TMEM175: variants seen among roughly 807,000 people sequenced by gnomAD.
TMEM175 encodes the protein transmembrane protein 175.
A neutral mutation model predicts 36.5 loss-of-function variants in TMEM175; 36 were observed. That is an observed-to-expected ratio of 0.99 (90% CI 0.76 to 1.30). The LOEUF is 1.30. Among genes scored for constraint, TMEM175 ranks in the 50% most tolerant of loss-of-function variants. The probability of loss-of-function intolerance (pLI) is 0.00; values close to 1 mark genes in which losing one functional copy is unlikely to be tolerated. For synonymous variants in TMEM175, 339 were observed against 313.4 expected (o/e 1.08, Z -0.86); for missense variants, 705 against 692.8 (o/e 1.02, Z -0.20).
chr4:943,499 G>T (rs1442896957), intron 1 of TMEM175, among the ~76,000 whole-genome samples: 2 of 152,140 alleles, frequency 1.3e-5, no homozygotes, highest in South Asian at 2.1e-4. Context: ...TGATCTGCCC[G>T]CCTCGGCCTC....
chr4:956,370 G>A (rs1343770865), intron 10 of TMEM175: 16 of 1,290,608 alleles, frequency 1.2e-5, no homozygotes, highest in African/African-American at 4.6e-5. Context: ...CTGCTCCTCC[G>A]CGGCCTCATC....
intron 1 of TMEM175, among the ~76,000 whole-genome samples, chr4:946,549 T>C (rs1728163953): frequency 6.6e-6 from 1 of 152,196 alleles, no homozygotes; most frequent in Admixed American, 6.5e-5. Flanking sequence ...CCCAGCACCA[T>C]GCAGCAATGG....
At chr4:936,545 C>A (rs1255478656) in intron 1 of TMEM175, among the ~76,000 whole-genome samples, 1 of 152,180 alleles carries the variant, frequency 6.6e-6, no homozygotes, top group Non-Finnish European at 1.5e-5. Context: ...GAAATGACAT[C>A]ACTACGGAAA....
chr4:939,203 A>C (rs1029862854), intron 1 of TMEM175, among the ~76,000 whole-genome samples: 1 of 152,238 alleles, frequency 6.6e-6, no homozygotes, highest in Non-Finnish European at 1.5e-5. Flanking sequence ...GATTTTTTAT[A>C]AAGGTGTAAA....
chr4:957,916 C>A lies in TMEM175; in HGVS notation c.935C>A (p.Ala312Glu), dbSNP rs762817717. The A allele has an allele frequency of 1.9e-6, 3 of 1,612,890 alleles. No homozygotes were observed. The highest frequency in any genetic ancestry group is 2.5e-6 in the Non-Finnish European group (3 of 1,179,978). Reference protein sequence around the residue: ...ALSATGPRFLAYFGSFATVGL... With the variant: ...ALSATGPRFLEYFGSFATVGL... The stretch of plus-strand genomic sequence containing the variant: ...AGTGCGACCGGGCCGCGCTTCCTGG[C>A]GTACTTCGGCTCCTTCGCCACAGTG... The change falls in exon 11 of 11, where the codon GCG (alanine) becomes GAG (glutamate). Residue 312 changes from alanine (A) to glutamate (E), a missense_variant. Coordinates refer to ENST00000264771, the MANE Select transcript of TMEM175 (RefSeq NM_032326.4).
intron 6 of TMEM175, 137 bp from the exon 7 acceptor site, chr4:952,230 T>A: frequency 1.4e-6 from 1 of 736,984 alleles, no homozygotes; most frequent in Non-Finnish European, 2.3e-6. Context: ...AGCACCCAGC[T>A]GGCGCCATCC....
At chr4:951,869 C>T (rs899454066) in intron 6 of TMEM175, 152 bp downstream of exon 6, 30 of 801,838 alleles carry the variant, frequency 3.7e-5, no homozygotes, top group South Asian at 3.3e-4. Flanking sequence ...AGCTGTTGGG[C>T]TGTTGGGGGC....
chr4:955,706 C>A (rs770695061), intron 9 of TMEM175, 49 bp from the exon 10 acceptor site: 1 of 1,596,686 alleles, frequency 6.3e-7, no homozygotes, highest in Admixed American at 1.7e-5. Context: ...GCGGGCTCTA[C>A]CTCCACATGG....
At chr4:952,971 C>T (rs1729138880) in intron 7 of TMEM175, among the ~76,000 whole-genome samples, 1 of 151,984 alleles carries the variant, frequency 6.6e-6, no homozygotes, top group Non-Finnish European at 1.5e-5. Flanking sequence ...CTCTCCACCT[C>T]AGCCCCTGTG....
At position 953,293 on chromosome 4, in the gene TMEM175, T is replaced by C; in HGVS notation, c.566T>C (p.Val189Ala). Residue 189 changes from valine (V) to alanine (A), a missense_variant, in exon 8 of 11, where the codon GTC becomes GCC. Coordinates refer to ENST00000264771, the MANE Select transcript of TMEM175 (RefSeq NM_032326.4). Reference sequence around the variant, plus strand: ...TACCGACGACACGTCCTGGGCATCGTCCTCCAAGGCCCGGCCCTGTGCTTT... The same window carrying C: ...TACCGACGACACGTCCTGGGCATCGCCCTCCAAGGCCCGGCCCTGTGCTTT... ...ALYRRHVLGI[V>A]LQGPALCFAA... 1 of 1,614,098 alleles carries C rather than the reference T, an allele frequency of 6.2e-7. No individual in the cohort carries two copies. Among genetic ancestry groups the C allele is most frequent in the Non-Finnish European group, 8.5e-7 (1 of 1,179,984 alleles).
chr4:938,818 A>G (rs747158814), intron 1 of TMEM175, among the ~76,000 whole-genome samples: 9 of 152,246 alleles, frequency 5.9e-5, no homozygotes, highest in Non-Finnish European at 1.0e-4. Context: ...GCAGTTCTCA[A>G]ATTCACCTGT....
At chr4:952,017 C>T (rs930804493) in intron 6 of TMEM175, 17 of 584,260 alleles carry the variant, frequency 2.9e-5, no homozygotes, top group East Asian at 8.5e-5. Context: ...CTACAGCCTC[C>T]GACCACCCGC....
chr4:945,343 TTC>T (rs1414631478), intron 1 of TMEM175, among the ~76,000 whole-genome samples: 2 of 152,084 alleles, frequency 1.3e-5, no homozygotes, highest in Non-Finnish European at 1.5e-5. Context: ...CTGCCTCAGC[TTC>T]TGTTTTCCCC....
At chr4:949,493 G>T (rs1728593096) in intron 3 of TMEM175, among the ~76,000 whole-genome samples, 1 of 152,158 alleles carries the variant, frequency 6.6e-6, no homozygotes, top group Non-Finnish European at 1.5e-5. Flanking sequence ...TGAGGAGAGG[G>T]GACTCCTGGG....
chr4:934,782 T>C (rs1726608418), intron 1 of TMEM175, among the ~76,000 whole-genome samples: 1 of 152,238 alleles, frequency 6.6e-6, no homozygotes, highest in Non-Finnish European at 1.5e-5. Flanking sequence ...TCTATCTTAA[T>C]GAGATATCTT....
At chr4:933,367 C>G (rs184713263) in intron 1 of TMEM175, among the ~76,000 whole-genome samples, 17 of 152,118 alleles carry the variant, frequency 1.1e-4, no homozygotes, top group Admixed American at 2.6e-4. Flanking sequence ...ATTAGCCGAG[C>G]GTGGTGGCGG....
At chr4:950,307 AG>A in intron 3 of TMEM175, 113 bp from the exon 4 acceptor site, 1 of 822,514 alleles carries the variant, frequency 1.2e-6, no homozygotes, top group Non-Finnish European at 2.1e-6. Flanking sequence ...GACCCACCCG[AG>A]GGTTTCGCCC....
intron 1 of TMEM175, among the ~76,000 whole-genome samples, chr4:945,730 A>C (rs914588267): frequency 6.6e-6 from 1 of 152,026 alleles, no homozygotes; most frequent in South Asian, 2.1e-4. Context: ...CCCCCTTTGG[A>C]GTAAAACCTG....
Position 954,611 on chromosome 4 carries a change from G to A in TMEM175, c.628-794G>A, listed in dbSNP as rs113297499. Among the ~76,000 whole-genome samples the A allele has an allele frequency of 3.2e-4, 48 of 152,326 alleles. 2 individuals are homozygous for A. The highest frequency in any genetic ancestry group is 9.9e-4 in the African/African-American group (41 of 41,568). On this transcript the variant is annotated intron_variant, in intron 8 of 10. Coordinates refer to ENST00000264771, the MANE Select transcript of TMEM175 (RefSeq NM_032326.4). ...TGCCTCTCTGAGCATTGCTGGACAC[G>A]TGTCTCTTCAGATCTGTCTTCTCAG...
Sources: allele counts gnomAD v4.1 joint callset (sites outside exome capture counted in the v4.1 genomes callset), GRCh38; gene constraint gnomAD v4.1.1; transcripts MANE v1.5; gene names NCBI Gene and HGNC (gene_info 2026-07-23, HGNC 2026-07-21).